MAT2A: variants seen among roughly 807,000 people sequenced by gnomAD.
The protein encoded by MAT2A is S-adenosylmethionine synthase isoform type-2.
A neutral mutation model predicts 43.9 loss-of-function variants in MAT2A; 3 were observed. That is an observed-to-expected ratio of 0.07 (90% CI 0.03 to 0.18). The LOEUF is 0.18. Among genes scored for constraint, MAT2A ranks in the 10% least tolerant of loss-of-function variants. The probability of loss-of-function intolerance (pLI) is 1.00; values close to 1 mark genes in which losing one functional copy is unlikely to be tolerated. For synonymous variants in MAT2A, 200 were observed against 168.4 expected, an observed-to-expected ratio of 1.19 and a Z score of -1.45; for missense variants, 204 against 489.0, an observed-to-expected ratio of 0.42 and a Z score of 5.50.
At chr2:85,539,722 C>A (rs1438793774) in intron 1 of MAT2A, 1 of 174,702 alleles carries the variant, frequency 5.7e-6, no homozygotes, top group Non-Finnish European at 1.2e-5. Context: ...CCCGGCCCTG[C>A]CGTCTGACAA....
At chr2:85,543,363 G>A in intron 8 of MAT2A, 1 of 422,138 alleles carries the variant, frequency 2.4e-6, no homozygotes, top group South Asian at 4.1e-5. Context: ...ACCATGGTAG[G>A]GTGTGGGCGG....
chr2:85,540,763 T>C (rs1374477877), intron 1 of MAT2A, among the ~76,000 whole-genome samples: 8 of 152,228 alleles, frequency 5.3e-5, no homozygotes, highest in Admixed American at 2.0e-4. Flanking sequence ...TTAGGGAAAC[T>C]GGCCTACCTG....
intron 1 of MAT2A, chr2:85,539,749 C>G (rs1367078162): frequency 1.2e-5 from 2 of 161,824 alleles, no homozygotes; most frequent in African/African-American, 4.8e-5. Context: ...AGTGGGCGAC[C>G]CGCCCCGCGT....
Position 85,541,061 on chromosome 2 carries a change from G to T in MAT2A, c.92-22G>T, listed in dbSNP as rs377558943. ...CTTTGTTTAAAGTTAAAGAAACTGA[G>T]CCAGGAATTTCTCTTTTCCAGATAA... is the stretch of plus-strand genomic sequence containing the variant. On this transcript the variant is annotated intron_variant, in intron 1 of 8. Coordinates refer to ENST00000306434, the MANE Select transcript of MAT2A (RefSeq NM_005911.6). The T allele has an allele frequency of 4.4e-6, 7 of 1,576,820 alleles. No homozygotes were observed. The African/African-American group carries it at 9.5e-5, about 21-fold the overall frequency.
At chr2:85,541,200 C>A in intron 2 of MAT2A, 40 bp downstream of exon 2, 1 of 1,610,376 alleles carries the variant, frequency 6.2e-7, no homozygotes, top group Non-Finnish European at 8.5e-7. Flanking sequence ...GGAAAGATAG[C>A]ATAAAAATTA....
At position 85,543,853 on chromosome 2, in the gene MAT2A, C is replaced by A. The variant is rs1691538615; in HGVS notation, c.*81C>A. 2 of 795,576 alleles carry A rather than the reference C, an allele frequency of 2.5e-6. No individual in the cohort carries two copies. Among genetic ancestry groups the A allele is most frequent in the Admixed American group, 5.9e-5 (2 of 34,014 alleles). 49.3% of individuals were successfully genotyped at this position (795,576 alleles called of 1,614,324 possible). The stretch of plus-strand genomic sequence containing the variant: ...AGCTCTGAGGGAAAGGGCCCTCCTT[C>A]CTAAATTTTCCTGTCCTCTTTCAGC... On this transcript the variant is annotated 3_prime_UTR_variant, in exon 9 of 9. Transcript: ENST00000306434.
At chr2:85,539,565 C>A (rs556560420) in intron 1 of MAT2A, 187 bp downstream of exon 1, 5 of 483,198 alleles carry the variant, frequency 1.0e-5, no homozygotes, top group Non-Finnish European at 1.8e-5. Flanking sequence ...CGCTCCTCTT[C>A]CCCCTCCCCT....
chr2:85,543,186 T>TG (rs1691522611), intron 8 of MAT2A, 152 bp downstream of exon 8: 2 of 825,978 alleles, frequency 2.4e-6, no homozygotes, highest in East Asian at 2.5e-5. Context: ...GCTGCCTTAG[T>TG]GAAGACTTAG....
chr2:85,543,805 C>T lies in MAT2A; in HGVS notation c.*33C>T, dbSNP rs1342163005. 1.5e-5 allele frequency: 21 copies of T among 1,444,688 alleles called. No homozygotes were observed. Among genetic ancestry groups the T allele is most frequent in the Admixed American group, 1.9e-5 (1 of 52,436 alleles). 89.5% of individuals were successfully genotyped at this position (1,444,688 alleles called of 1,614,324 possible). A position where few individuals can be genotyped will look rare whatever the true frequency, so the allele number is the denominator to read the frequency against. On this transcript the variant is annotated 3_prime_UTR_variant, in exon 9 of 9. Coordinates refer to ENST00000306434, the MANE Select transcript of MAT2A (RefSeq NM_005911.6). ...AGCCTTTTTTCCCCAGACTTGTTGG[C>T]GTAGGCTACAGAGAAGCCTTCAAGC...
At chr2:85,541,000 A>T in intron 1 of MAT2A, 83 bp from the exon 2 acceptor site, 1 of 829,406 alleles carries the variant, frequency 1.2e-6, no homozygotes, top group South Asian at 1.6e-5. Context: ...TTTTACAGAT[A>T]GTAACAGGGA....
chr2:85,542,838 C>CGTTG, intron 7 of MAT2A, 63 bp from the exon 8 acceptor site: 1 of 1,565,198 alleles, frequency 6.4e-7, no homozygotes, highest in Non-Finnish European at 8.7e-7. Context: ...TTTATACCAA[C>CGTTG]GTATTATACA....
intron 3 of MAT2A, 43 bp downstream of exon 3, chr2:85,541,420 T>G: frequency 1.3e-6 from 2 of 1,599,490 alleles, no homozygotes; most frequent in Non-Finnish European, 1.7e-6. Flanking sequence ...AGGTAACAGC[T>G]GTGAGGTTTG....
chr2:85,543,116 G>A, intron 8 of MAT2A, 82 bp downstream of exon 8: 1 of 1,439,306 alleles, frequency 6.9e-7, no homozygotes, highest in South Asian at 1.4e-5. Flanking sequence ...AGGAGGTGAA[G>A]GTGTGAAGGA....
At chr2:85,540,432 C>G (rs1480029699) in intron 1 of MAT2A, among the ~76,000 whole-genome samples, 2 of 152,154 alleles carry the variant, frequency 1.3e-5, no homozygotes, top group African/African-American at 2.4e-5. Context: ...GCTGTTACAC[C>G]AGTTAGTAGT....
chr2:85,543,103 C>CT, intron 8 of MAT2A, 69 bp downstream of exon 8: 1 of 1,518,078 alleles, frequency 6.6e-7, no homozygotes, highest in Non-Finnish European at 8.9e-7. Flanking sequence ...ATACTTAAGG[C>CT]TGAGGAGGTG....
At chr2:85,540,041 C>T (rs946439527) in intron 1 of MAT2A, 4 of 152,272 alleles carry the variant, frequency 2.6e-5, no homozygotes, top group African/African-American at 7.2e-5. Flanking sequence ...TCCAAGAAGG[C>T]AGTCCTTATT....
At position 85,543,920 on chromosome 2, in the gene MAT2A, T is replaced by C. The variant is rs530472867; in HGVS notation, c.*148T>C. ...TCACTCTAGTCAATGACATGAATTT[T>C]AGCTTTTGTGGGGGACTGTAAGTTG... is the stretch of plus-strand genomic sequence containing the variant. On this transcript the variant is annotated 3_prime_UTR_variant, in exon 9 of 9. Transcript: ENST00000306434. 3.6e-5 allele frequency: 21 copies of C among 578,472 alleles called. No homozygotes were observed. Among genetic ancestry groups the C allele is most frequent in the South Asian group, 4.5e-5 (2 of 44,402 alleles). The allele number at this position is 578,472 out of a possible 1,614,324, so 35.8% of individuals were successfully genotyped here. A position where few individuals can be genotyped will look rare whatever the true frequency, so the allele number is the denominator to read the frequency against.
In MAT2A at chr2:85,541,391, AT is replaced by A; in HGVS notation, c.292+18del. 1 of 1,604,920 alleles carries A rather than the reference AT, an allele frequency of 6.2e-7. No individual in the cohort carries two copies. The highest frequency in any genetic ancestry group is 8.5e-7 in the Non-Finnish European group (1 of 1,176,800). ...ATTCTTCCAAAGGTGTGTTTTAATG[AT>A]TTTGCTCATTTTTTTCTAGGTAACA... On this transcript the variant is annotated intron_variant, in intron 3 of 8. Coordinates refer to ENST00000306434, the MANE Select transcript of MAT2A (RefSeq NM_005911.6).
rs931203039 is a variant in MAT2A, at chr2:85,539,203, C to A, written c.-85C>A. 27 of 962,178 alleles carry A rather than the reference C, an allele frequency of 2.8e-5. No individual in the cohort carries two copies. In the African/African-American group the frequency reaches 3.5e-4, roughly 13 times the overall value. The allele number at this position is 962,178 out of a possible 1,614,324, so 59.6% of individuals were successfully genotyped here. ...CGCCGCCCGCCTGCTACGAGTAGAA[C>A]GCTGTCCGCAGCTTGCGCATTTCGC... On this transcript the variant is annotated 5_prime_UTR_variant, in exon 1 of 9. Coordinates refer to ENST00000306434, the MANE Select transcript of MAT2A (RefSeq NM_005911.6).
Sources: allele counts gnomAD v4.1 joint callset (sites outside exome capture counted in the v4.1 genomes callset), GRCh38; gene constraint gnomAD v4.1.1; transcripts MANE v1.5; gene names NCBI Gene and HGNC (gene_info 2026-07-23, HGNC 2026-07-21).